The following FYN variants were observed in gnomAD, a reference collection of about 807,000 sequenced individuals.
FYN encodes tyrosine-protein kinase Fyn.
Under a neutral mutation model 70.2 loss-of-function variants are expected in FYN, and 10 were observed. The observed-to-expected ratio is 0.14, with a 90% CI of 0.09 to 0.24. The LOEUF is 0.24. Among genes scored for constraint, FYN ranks in the 10% least tolerant of loss-of-function variants. FYN has a pLI of 1.00. For synonymous variants in FYN, 236 were observed against 248.6 expected (o/e 0.95, Z 0.48); for missense variants, 319 against 673.1 (o/e 0.47, Z 5.82).
intron 3 of FYN, among the ~76,000 whole-genome samples, chr6:111,742,433 T>C (rs1385107195): frequency 6.6e-6 from 1 of 152,218 alleles, no homozygotes; most frequent in African/African-American, 2.4e-5. Context: ...TAACATCCAA[T>C]CATTTCTCTG....
intron 13 of FYN, among the ~76,000 whole-genome samples, chr6:111,670,118 T>C (rs6919400): frequency 0.47 from 70,852 of 151,910 alleles, 17,239 homozygotes; most frequent in East Asian, 0.6. Flanking sequence ...GTCACTCTCC[T>C]GCTCAAATCC....
At chr6:111,818,357 C>T (rs977631739) in intron 2 of FYN, among the ~76,000 whole-genome samples, 7 of 152,118 alleles carry the variant, frequency 4.6e-5, no homozygotes, top group African/African-American at 1.7e-4. Flanking sequence ...TTTATAAATA[C>T]CTCAGGTATG....
intron 7 of FYN, 108 bp downstream of exon 7, chr6:111,703,891 G>A (rs564538931): frequency 3.7e-6 from 3 of 805,000 alleles, no homozygotes; most frequent in African/African-American, 3.4e-5. Context: ...AGGCAGGGAG[G>A]GTATGTGCCA....
intron 8 of FYN, among the ~76,000 whole-genome samples, chr6:111,700,861 T>C (rs79999151): frequency 0.052 from 7,874 of 152,160 alleles, 601 homozygotes; most frequent in African/African-American, 0.17. Context: ...ACTAGTAAGG[T>C]TGAAGATTAT....
Position 111,797,347 on chromosome 6 carries a change from A to C in FYN, c.-81-16712T>G, listed in dbSNP as rs184109936. 1.3e-4 allele frequency among the ~76,000 whole-genome samples: 20 copies of C among 152,216 alleles called. No individual in the cohort carries two copies. The East Asian group carries it at 2.9e-3, about 22-fold the overall frequency. ...ATTTTTAATGTATTTGTGGCAAATA[A>C]ATTTTTCCTAAGGTTTTTTTGCTTT... is the stretch of plus-strand genomic sequence containing the variant. On this transcript the variant is annotated intron_variant, in intron 2 of 13. Coordinates refer to ENST00000354650, the MANE Select transcript of FYN (RefSeq NM_002037.5).
intron 12 of FYN, among the ~76,000 whole-genome samples, chr6:111,678,528 G>T (rs1394266434): frequency 6.6e-6 from 1 of 152,064 alleles, no homozygotes; most frequent in Non-Finnish European, 1.5e-5. Flanking sequence ...CAATCCCATG[G>T]CTCCAATGAC....
At chr6:111,863,780 C>A (rs969553779) in intron 1 of FYN, among the ~76,000 whole-genome samples, 1 of 152,178 alleles carries the variant, frequency 6.6e-6, no homozygotes, top group African/African-American at 2.4e-5. Context: ...CTTTAAATTA[C>A]AAGTTAAGAG....
chr6:111,812,107 C>T (rs994974043), intron 2 of FYN, among the ~76,000 whole-genome samples: 29 of 152,206 alleles, frequency 1.9e-4, no homozygotes, highest in Admixed American at 1.8e-3. Context: ...GAGCCTTGTA[C>T]ATCCTTGGAG....
intron 12 of FYN, among the ~76,000 whole-genome samples, chr6:111,675,120 C>T (rs944052837): frequency 6.6e-6 from 1 of 152,248 alleles, no homozygotes; most frequent in Non-Finnish European, 1.5e-5. Flanking sequence ...CCCACACCCA[C>T]AGCAGGGAAA....
intron 1 of FYN, among the ~76,000 whole-genome samples, chr6:111,848,930 T>G (rs1773606529): frequency 6.6e-6 from 1 of 152,250 alleles, no homozygotes; most frequent in African/African-American, 2.4e-5. Flanking sequence ...CTAAATCTGA[T>G]TTTTTGAAGA....
At chr6:111,785,402 T>A (rs899050546) in intron 2 of FYN, among the ~76,000 whole-genome samples, 1 of 152,246 alleles carries the variant, frequency 6.6e-6, no homozygotes, top group Non-Finnish European at 1.5e-5. Context: ...GTTTGTTGAA[T>A]GAATAAATGA....
intron 2 of FYN, among the ~76,000 whole-genome samples, chr6:111,820,918 A>G (rs1772637545): frequency 6.6e-6 from 1 of 152,148 alleles, no homozygotes; most frequent in Non-Finnish European, 1.5e-5. Flanking sequence ...ACAACAAACA[A>G]CTAGGTTACA....
intron 2 of FYN, among the ~76,000 whole-genome samples, chr6:111,815,385 T>C (rs987958470): frequency 2.6e-5 from 4 of 152,252 alleles, no homozygotes; most frequent in African/African-American, 9.6e-5. Context: ...ATGTTTGTAG[T>C]TTTAATTGTC....
chr6:111,792,949 C>T (rs1771676346), intron 2 of FYN, among the ~76,000 whole-genome samples: 1 of 152,148 alleles, frequency 6.6e-6, no homozygotes, highest in South Asian at 2.1e-4. Context: ...CACCTGGCCG[C>T]TGGTTACAAA....
At chr6:111,683,763 A>T (rs1475768122) in intron 12 of FYN, among the ~76,000 whole-genome samples, 1 of 152,204 alleles carries the variant, frequency 6.6e-6, no homozygotes, top group Non-Finnish European at 1.5e-5. Flanking sequence ...CAATAACAGA[A>T]ATTTGGTTTA....
chr6:111,812,302 T>C (rs1320186837), intron 2 of FYN, among the ~76,000 whole-genome samples: 1 of 152,160 alleles, frequency 6.6e-6, no homozygotes, highest in African/African-American at 2.4e-5. Context: ...CAGGGGAGTG[T>C]AGCAGAAATG....
chr6:111,859,010 G>T (rs62413732), intron 1 of FYN, among the ~76,000 whole-genome samples: 5,418 of 151,982 alleles, frequency 0.036, 104 homozygotes, highest in Non-Finnish European at 0.047. Flanking sequence ...CCATTGAGTG[G>T]AGGTCCAAAA....
At chr6:111,740,550 C>CT (rs1487675018) in intron 3 of FYN, among the ~76,000 whole-genome samples, 2 of 152,182 alleles carry the variant, frequency 1.3e-5, no homozygotes, top group Non-Finnish European at 2.9e-5. Flanking sequence ...TCAGAGTCAT[C>CT]TTTTTTTAAA....
intron 12 of FYN, chr6:111,676,449 T>TG (rs1798534472): frequency 6.6e-6 from 1 of 152,242 alleles, no homozygotes; most frequent in South Asian, 2.1e-4. Context: ...AGACCTGGTA[T>TG]TCTCTGAATA....
Sources: gnomAD v4.1 joint callset for allele counts (sites outside exome capture counted in the v4.1 genomes callset) on GRCh38, gnomAD v4.1.1 for gene constraint, MANE v1.5 for transcripts, NCBI Gene and HGNC (gene_info 2026-07-23, HGNC 2026-07-21) for gene names.